AGBL1: variants seen among roughly 807,000 people sequenced by gnomAD.
The protein encoded by AGBL1 is cytosolic carboxypeptidase 4.
Under a neutral mutation model 118.9 loss-of-function variants are expected in AGBL1, and 130 were observed. The ratio of observed to expected loss-of-function variants is 1.09; its 90% CI spans 0.95 to 1.26. The LOEUF (loss-of-function observed/expected upper bound fraction) is 1.26. AGBL1 is among the 50% of genes most tolerant of loss of function. The pLI, the probability that AGBL1 is intolerant of heterozygous loss-of-function variation, is 0.00. For missense variants in AGBL1, 1,584 were observed against 1,298.1 expected, an observed-to-expected ratio of 1.22 and a Z score of -3.38; for synonymous variants, 555 against 478.9, an observed-to-expected ratio of 1.16 and a Z score of -2.08.
At chr15:86,563,355 A>T (rs575946343) in intron 21 of AGBL1, among the ~76,000 whole-genome samples, 3 of 152,194 alleles carry the variant, frequency 2.0e-5, no homozygotes, top group East Asian at 3.9e-4. Flanking sequence ...GTTTGTTCTC[A>T]TTGGTTTCAA....
intron 5 of AGBL1, among the ~76,000 whole-genome samples, chr15:86,167,126 C>T (rs879821882): frequency 6.6e-6 from 1 of 152,124 alleles, no homozygotes; most frequent in African/African-American, 2.4e-5. Context: ...CTGTAACCAC[C>T]TACAAATATG....
At chr15:86,728,848 T>A (rs1268448521) in intron 22 of AGBL1, among the ~76,000 whole-genome samples, 1 of 152,160 alleles carries the variant, frequency 6.6e-6, no homozygotes, top group African/African-American at 2.4e-5. Context: ...CCACCCATTT[T>A]CCAGATGAAT....
rs145878182 is a variant in AGBL1 at position 86,982,485 on chromosome 15, C to T, written c.3222-5502C>T. Among the ~76,000 whole-genome samples the T allele has an allele frequency of 4.1e-3, 624 of 151,828 alleles. 6 individuals are homozygous for T. Among genetic ancestry groups the T allele is most frequent in the African/African-American group, 0.015 (607 of 41,406 alleles). The stretch of plus-strand genomic sequence containing the variant: ...CTTGTGAACAATATGAATGTGATCT[C>T]ATTTACTTATACATGGATTCTTTTC... On this transcript the variant is annotated intron_variant, in intron 23 of 24. Transcript: ENST00000441037.
At chr15:86,383,058 C>T (rs1015923328) in intron 17 of AGBL1, among the ~76,000 whole-genome samples, 2 of 152,014 alleles carry the variant, frequency 1.3e-5, no homozygotes, top group East Asian at 1.9e-4. Context: ...CAGACTCTTA[C>T]ATTTTCACCT....
chr15:86,984,784 G>A (rs984072822), intron 23 of AGBL1, among the ~76,000 whole-genome samples: 2 of 151,846 alleles, frequency 1.3e-5, no homozygotes, highest in African/African-American at 4.8e-5. Context: ...TTTTAACGGT[G>A]TCATTAAAAA....
At chr15:86,676,745 C>T (rs888540358) in intron 22 of AGBL1, among the ~76,000 whole-genome samples, 2 of 152,026 alleles carry the variant, frequency 1.3e-5, no homozygotes, top group Admixed American at 6.6e-5. Flanking sequence ...ATTGTTGTTG[C>T]GTGGAAGGAA....
chr15:86,364,981 A>ATATATATATATATATATATATG (rs2080861626), intron 17 of AGBL1, among the ~76,000 whole-genome samples: 2 of 76,284 alleles, frequency 2.6e-5, no homozygotes, highest in Non-Finnish European at 6.3e-5. Context: ...ATATATATAT[A>ATATATATATATATATATATATG]TATATATACA....
intron 22 of AGBL1, among the ~76,000 whole-genome samples, chr15:86,788,479 A>G (rs554648440): frequency 1.3e-5 from 2 of 152,296 alleles, no homozygotes; most frequent in South Asian, 2.1e-4. Flanking sequence ...GTACGGGACA[A>G]TATTGGAGCC....
At chr15:86,889,251 G>A (rs972463094) in intron 22 of AGBL1, among the ~76,000 whole-genome samples, 11 of 147,742 alleles carry the variant, frequency 7.4e-5, no homozygotes, top group Non-Finnish European at 1.0e-4. Context: ...TTAGGGTGGC[G>A]ATACCGCTTA....
intron 1 of AGBL1, among the ~76,000 whole-genome samples, chr15:86,093,126 CT>C (rs1340151515): frequency 1.8e-4 from 28 of 152,198 alleles, no homozygotes; most frequent in African/African-American, 6.5e-4. Context: ...TAGTGATCCA[CT>C]CCCTGCTTTA....
intron 22 of AGBL1, among the ~76,000 whole-genome samples, chr15:86,850,756 A>T (rs1412340949): frequency 6.6e-6 from 1 of 152,252 alleles, no homozygotes; most frequent in Non-Finnish European, 1.5e-5. Flanking sequence ...GCTGAAAAAA[A>T]TACTTGTCAT....
chr15:86,572,916 A>C (rs1161569979), intron 21 of AGBL1, among the ~76,000 whole-genome samples: 5 of 152,182 alleles, frequency 3.3e-5, no homozygotes, highest in Non-Finnish European at 7.3e-5. Context: ...AACATTCTTC[A>C]CCATTTCTGC....
intron 17 of AGBL1, among the ~76,000 whole-genome samples, chr15:86,383,480 G>A (rs1322077637): frequency 1.3e-5 from 2 of 151,958 alleles, no homozygotes; most frequent in African/African-American, 2.4e-5. Context: ...CCAGCTACTC[G>A]GGAGGCTGAG....
chr15:86,852,561 A>G (rs1468839677), intron 22 of AGBL1, among the ~76,000 whole-genome samples: 1 of 152,172 alleles, frequency 6.6e-6, no homozygotes, highest in East Asian at 1.9e-4. Context: ...ACTGAAGCTG[A>G]TCTCCCAATG....
At chr15:86,746,119 A>C (rs1007368362) in intron 22 of AGBL1, among the ~76,000 whole-genome samples, 2 of 151,992 alleles carry the variant, frequency 1.3e-5, no homozygotes, top group Non-Finnish European at 2.9e-5. Flanking sequence ...CCTTCCCTGA[A>C]GTCTGTTCAC....
chr15:86,846,400 A>C (rs564386185), intron 22 of AGBL1, among the ~76,000 whole-genome samples: 1 of 152,222 alleles, frequency 6.6e-6, no homozygotes, highest in East Asian at 1.9e-4. Flanking sequence ...TTATCTGTAC[A>C]TAAGGAGAAA....
intron 21 of AGBL1, among the ~76,000 whole-genome samples, chr15:86,621,447 T>C (rs995487637): frequency 9.2e-5 from 14 of 152,234 alleles, no homozygotes; most frequent in African/African-American, 2.9e-4. Flanking sequence ...TTGCCTAGCT[T>C]CTGGTAGTTG....
chr15:86,273,540 C>T (rs2079195506), intron 15 of AGBL1, among the ~76,000 whole-genome samples: 1 of 152,190 alleles, frequency 6.6e-6, no homozygotes, highest in Non-Finnish European at 1.5e-5. Context: ...GAACGCCTCT[C>T]TCAATTGTAA....
intron 17 of AGBL1, among the ~76,000 whole-genome samples, chr15:86,360,356 G>C (rs1252984015): frequency 1.5e-5 from 2 of 136,014 alleles, no homozygotes; most frequent in Non-Finnish European, 3.1e-5. Flanking sequence ...GTATCACATT[G>C]ATTGAGTTGT....
Sources: allele counts gnomAD v4.1 joint callset (sites outside exome capture counted in the v4.1 genomes callset), GRCh38; gene constraint gnomAD v4.1.1; transcripts MANE v1.5; gene names NCBI Gene and HGNC (gene_info 2026-07-23, HGNC 2026-07-21).